Variants in TJP1 observed in about 807,000 individuals in gnomAD.
The protein encoded by TJP1 is tight junction protein 1.
TJP1 carries 43 observed loss-of-function variants against 194.2 expected under a neutral mutation model. The ratio of observed to expected loss-of-function variants is 0.22; its 90% CI spans 0.17 to 0.29. The LOEUF (loss-of-function observed/expected upper bound fraction) is 0.29. Ranked by LOEUF, TJP1 falls within the 10% of genes least tolerant of loss-of-function variation. The pLI, the probability that TJP1 is intolerant of heterozygous loss-of-function variation, is 1.00. For synonymous variants in TJP1, 801 were observed against 779.0 expected (o/e 1.03, Z -0.47); for missense variants, 1,971 against 2,185.7 (o/e 0.90, Z 1.96).
At chr15:29,741,053 A>T in intron 10 of TJP1, 1 of 215,282 alleles carries the variant, frequency 4.6e-6, no homozygotes, top group Non-Finnish European at 8.9e-6. Flanking sequence ...GGAAATTCTG[A>T]TGTCTGAATA....
chr15:29,806,414 CATAAA>C (rs1320863501), intron 1 of TJP1, among the ~76,000 whole-genome samples: 1 of 152,154 alleles, frequency 6.6e-6, no homozygotes, highest in Admixed American at 6.5e-5. Context: ...TATCTGACAT[CATAAA>C]ATAATAAAAT....
At chr15:29,713,559 G>A (rs1214249553) in intron 23 of TJP1, among the ~76,000 whole-genome samples, 2 of 152,222 alleles carry the variant, frequency 1.3e-5, no homozygotes, top group African/African-American at 4.8e-5. Context: ...TGTATTTACT[G>A]AAAGAAAGAA....
chr15:29,968,478 G>A, intron 1 of TJP1: 1 of 928,836 alleles, frequency 1.1e-6, no homozygotes, highest in Non-Finnish European at 1.3e-6. Context: ...GGTACAAGGC[G>A]GCGCTCGGCC....
intron 1 of TJP1, among the ~76,000 whole-genome samples, chr15:29,958,660 T>C (rs1228661949): frequency 6.6e-6 from 1 of 152,148 alleles, no homozygotes; most frequent in East Asian, 1.9e-4. Flanking sequence ...CACACGTATA[T>C]GTACACACAC....
At chr15:29,962,563 G>C (rs1243897789) in intron 1 of TJP1, among the ~76,000 whole-genome samples, 1 of 152,282 alleles carries the variant, frequency 6.6e-6, no homozygotes, top group East Asian at 1.9e-4. Flanking sequence ...AGGCTAATGA[G>C]TGACAGCAAA....
At chr15:29,801,480 G>C (rs1234330856) in intron 1 of TJP1, among the ~76,000 whole-genome samples, 1 of 103,082 alleles carries the variant, frequency 9.7e-6, no homozygotes, top group Non-Finnish European at 2.0e-5. Context: ...TTTTTTTTTT[G>C]AGACGGAGTC....
intron 2 of TJP1, among the ~76,000 whole-genome samples, chr15:29,864,638 A>T (rs960039939): frequency 6.6e-5 from 10 of 152,202 alleles, no homozygotes; most frequent in Non-Finnish European, 1.3e-4. Context: ...GCAGTAGAGG[A>T]AGGAACCTGG....
chr15:29,932,974 T>C (rs1024792234), intron 2 of TJP1, among the ~76,000 whole-genome samples: 1 of 152,210 alleles, frequency 6.6e-6, no homozygotes, highest in Non-Finnish European at 1.5e-5. Flanking sequence ...TGTGTAACTA[T>C]GAATTTTGTA....
chr15:29,800,614 TAC>T lies in TJP1; in HGVS notation c.84+30_84+31del, dbSNP rs2048719401. ...TCAAAGCTGCCAGTATCCTGAGTTA[TAC>T]ACAGATTACTTACTGCAACACAAAC... On this transcript the variant is annotated intron_variant, in intron 2 of 27. Transcript: ENST00000614355. 2.5e-6 allele frequency: 4 copies of T among 1,610,702 alleles called. No homozygotes were observed. In the South Asian group the frequency reaches 3.3e-5, roughly 13 times the overall value.
chr15:29,911,158 T>C (rs2054000111), intron 2 of TJP1, among the ~76,000 whole-genome samples: 1 of 152,222 alleles, frequency 6.6e-6, no homozygotes, highest in Non-Finnish European at 1.5e-5. Context: ...AATGCAGTCA[T>C]GTCAGCAGTT....
chr15:29,784,790 T>C (rs928559233), intron 2 of TJP1, among the ~76,000 whole-genome samples: 3 of 152,172 alleles, frequency 2.0e-5, no homozygotes, highest in Non-Finnish European at 4.4e-5. Flanking sequence ...TATACTGTAC[T>C]TATTTATAAC....
intron 2 of TJP1, among the ~76,000 whole-genome samples, chr15:29,851,765 C>T (rs2051650294): frequency 6.6e-6 from 1 of 152,132 alleles, no homozygotes; most frequent in South Asian, 2.1e-4. Flanking sequence ...TCAGTGGAAC[C>T]CAGAAATAAT....
intron 1 of TJP1, among the ~76,000 whole-genome samples, chr15:29,965,292 C>T (rs2056295879): frequency 6.6e-6 from 1 of 152,044 alleles, no homozygotes; most frequent in Non-Finnish European, 1.5e-5. Flanking sequence ...TCACTGCAAC[C>T]TCCGCCTCCT....
Position 29,718,685 on chromosome 15 carries a change from A to T in TJP1, c.3457T>A (p.Ser1153Thr). 1 of 1,614,106 alleles carries T rather than the reference A, an allele frequency of 6.2e-7. No individual in the cohort carries two copies. The highest frequency in any genetic ancestry group is 8.5e-7 in the Non-Finnish European group (1 of 1,180,022). The stretch of plus-strand genomic sequence containing the variant: ...GGCTGCTCTTCGTGCCGCAGGGCGG[A>T]TGCTCTAGGTGCCTGTTCGTAACGT... ...RPRYEQAPRASALRHEEQPAP... is the reference protein window; with the variant it reads ...RPRYEQAPRATALRHEEQPAP... Residue 1153 changes from serine to threonine, a missense_variant, in exon 21 of 28, where the codon TCC becomes ACC. Physicochemically the swap from Ser to Thr is moderately conservative, Grantham distance 58. This residue lies in a region of TJP1 where 1,108 missense variants were observed against 1,128.5 expected (regional missense o/e 0.98). Coordinates refer to ENST00000614355, the MANE Select transcript of TJP1 (RefSeq NM_001330239.4).
At chr15:29,777,826 G>A (rs1029931561) in intron 2 of TJP1, among the ~76,000 whole-genome samples, 1 of 152,126 alleles carries the variant, frequency 6.6e-6, no homozygotes, top group Non-Finnish European at 1.5e-5. Flanking sequence ...CAGACTGTTT[G>A]TAATTGCAAA....
intron 2 of TJP1, among the ~76,000 whole-genome samples, chr15:29,857,593 T>A (rs949008738): frequency 6.6e-6 from 1 of 152,138 alleles, no homozygotes; most frequent in African/African-American, 2.4e-5. Flanking sequence ...AGGGCAGACA[T>A]AAATGATGCA....
chr15:29,758,283 T>C (rs2045778217), intron 8 of TJP1, among the ~76,000 whole-genome samples: 1 of 152,076 alleles, frequency 6.6e-6, no homozygotes, highest in Non-Finnish European at 1.5e-5. Context: ...GTCAAATGTA[T>C]TGCCTGCTTC....
At chr15:29,829,738 A>G (rs2050780780) in intron 2 of TJP1, among the ~76,000 whole-genome samples, 2 of 152,184 alleles carry the variant, frequency 1.3e-5, no homozygotes, top group Admixed American at 1.3e-4. Flanking sequence ...CTTTATAATA[A>G]GTCTTTCAAA....
intron 2 of TJP1, among the ~76,000 whole-genome samples, chr15:29,937,498 T>C (rs1386768263): frequency 6.6e-6 from 1 of 152,234 alleles, no homozygotes; most frequent in African/African-American, 2.4e-5. Flanking sequence ...GAAAAAGGCA[T>C]GCTAAAAGCA....
Sources: allele counts gnomAD v4.1 joint callset (sites outside exome capture counted in the v4.1 genomes callset), GRCh38; gene constraint gnomAD v4.1.1; regional missense constraint gnomAD v4.1.1; transcripts MANE v1.5; gene names NCBI Gene and HGNC (gene_info 2026-07-23, HGNC 2026-07-21).